PCDHGA6: variants seen among roughly 807,000 people sequenced by gnomAD.
PCDHGA6 encodes the protein protocadherin gamma-A6.
Under a neutral mutation model 60.6 loss-of-function variants are expected in PCDHGA6, and 41 were observed. That is an observed-to-expected ratio of 0.68 (90% CI 0.53 to 0.88). The LOEUF is 0.88. PCDHGA6 is among the 40% of genes least tolerant of loss of function. The probability of loss-of-function intolerance (pLI) is 0.00; values close to 1 mark genes in which losing one functional copy is unlikely to be tolerated. For synonymous variants in PCDHGA6, 594 were observed against 524.4 expected (o/e 1.13, Z -1.81); for missense variants, 1,312 against 1,203.0 (o/e 1.09, Z -1.34).
At position 141,460,491 on chromosome 5, in the gene PCDHGA6, A is replaced by G. The variant is rs544539917; in HGVS notation, c.2425-34316A>G. Among the ~76,000 whole-genome samples, 240 of 152,272 alleles carry G rather than the reference A, an allele frequency of 1.6e-3. 1 individual carries two copies. Among genetic ancestry groups the G allele is most frequent in the Non-Finnish European group, 2.6e-3 (177 of 68,014 alleles). On this transcript the variant is annotated intron_variant, in intron 1 of 3. Transcript: ENST00000517434. ...AAGGAATATCCAATTGTCTCTTTGG[A>G]AAAATATGCTGAGAAGGCTATCTTT...
At position 141,464,471 on chromosome 5, in the gene PCDHGA6, G is replaced by A. The variant is rs142068327; in HGVS notation, c.2425-30336G>A. On this transcript the variant is annotated intron_variant, in intron 1 of 3. Coordinates refer to ENST00000517434, the MANE Select transcript of PCDHGA6 (RefSeq NM_018919.3). ...TTGTTGTTATTTTTGAAGTATGTAC[G>A]TATAATAAATTCCTAATAGTGTGAT... Among the ~76,000 whole-genome samples, 204 of 151,612 alleles carry A rather than the reference G, an allele frequency of 1.3e-3. 1 individual carries two copies. The highest frequency in any genetic ancestry group is 2.3e-3 in the Non-Finnish European group (156 of 67,928).
intron 1 of PCDHGA6, chr5:141,389,864 G>A: frequency 6.2e-7 from 1 of 1,614,058 alleles, no homozygotes; most frequent in Non-Finnish European, 8.5e-7. Flanking sequence ...CGTTGCACCT[G>A]GTCTTCGCCG....
At chr5:141,467,361 G>T (rs555435172) in intron 1 of PCDHGA6, among the ~76,000 whole-genome samples, 2 of 151,742 alleles carry the variant, frequency 1.3e-5, no homozygotes, top group Non-Finnish European at 2.9e-5. Flanking sequence ...CCAAATCAAC[G>T]TTTTCTTATA....
chr5:141,476,205 C>G lies in PCDHGA6; in HGVS notation c.2425-18602C>G. ...CTGCTTGGTGCCTTGAACAAGGCTT[C>G]CACGGTCATTCACTATGAGATCCCG... On this transcript the variant is annotated intron_variant, in intron 1 of 3. Transcript: ENST00000517434. The surrounding 1 kb of genome is among the most constrained non-coding windows in gnomAD (Gnocchi z 7.6). 1 of 1,613,892 alleles carries G rather than the reference C, an allele frequency of 6.2e-7. No homozygotes were observed. Among genetic ancestry groups the G allele is most frequent in the Non-Finnish European group, 8.5e-7 (1 of 1,180,012 alleles).
Position 141,489,068 on chromosome 5 carries a change from G to GGCC in PCDHGA6, c.2425-5739_2425-5738insGCC. The GGCC allele has an allele frequency of 3.4e-6, 1 of 291,556 alleles. No individual in the cohort carries two copies. The allele number at this position is 291,556 out of a possible 1,614,324, so 18.1% of individuals were successfully genotyped here. A position where few individuals can be genotyped will look rare whatever the true frequency, so the allele number is the denominator to read the frequency against. ...CTCAAATTCAGCTCCCCTCCCCCCT[G>GGCC]CCCACCCCCGCCACTCGGTGACTAA... On this transcript the variant is annotated intron_variant, in intron 1 of 3. Coordinates refer to ENST00000517434, the MANE Select transcript of PCDHGA6 (RefSeq NM_018919.3). The surrounding 1 kb of genome is among the most constrained non-coding windows in gnomAD (Gnocchi z 4.5).
rs1355278714 is a variant in PCDHGA6 at position 141,398,651 on chromosome 5, A to G, written c.2424+22144A>G. 10 of 1,613,998 alleles carry G rather than the reference A, an allele frequency of 6.2e-6. No homozygotes were observed. The South Asian group carries it at 1.1e-4, about 18-fold the overall frequency. On this transcript the variant is annotated intron_variant, in intron 1 of 3. Coordinates refer to ENST00000517434, the MANE Select transcript of PCDHGA6 (RefSeq NM_018919.3). ...CTGCAGAAGTATAAACTCTCTCTTA[A>G]CCCAAGTTTCTCATTAATAATTAAG... is the stretch of plus-strand genomic sequence containing the variant.
At chr5:141,510,785 C>G (rs951225541) in intron 3 of PCDHGA6, among the ~76,000 whole-genome samples, 162 bp from the exon 4 acceptor site, 1 of 152,150 alleles carries the variant, frequency 6.6e-6, no homozygotes, top group Non-Finnish European at 1.5e-5. Flanking sequence ...ACCCTCAACT[C>G]TTGTGAAGAG....
At chr5:141,446,263 C>T (rs2098496356) in intron 1 of PCDHGA6, among the ~76,000 whole-genome samples, 1 of 152,010 alleles carries the variant, frequency 6.6e-6, no homozygotes, top group East Asian at 1.9e-4. Flanking sequence ...ATATTATTAA[C>T]TGAATAAATA....
At chr5:141,430,179 A>G (rs2097264770) in intron 1 of PCDHGA6, among the ~76,000 whole-genome samples, 1 of 152,158 alleles carries the variant, frequency 6.6e-6, no homozygotes, top group Admixed American at 6.5e-5. Flanking sequence ...ATTTTCCCCA[A>G]ATTATAGCTG....
At chr5:141,457,448 A>G (rs1296079061) in intron 1 of PCDHGA6, among the ~76,000 whole-genome samples, 2 of 152,196 alleles carry the variant, frequency 1.3e-5, no homozygotes, top group Non-Finnish European at 2.9e-5. Flanking sequence ...GCAGAAGATC[A>G]CCACTTGATT....
chr5:141,390,199 G>A (rs753440941), intron 1 of PCDHGA6: 2 of 1,614,054 alleles, frequency 1.2e-6, no homozygotes, highest in South Asian at 2.2e-5. Context: ...GAGCAGTTGA[G>A]TTCAGGACAA....
intron 1 of PCDHGA6, chr5:141,388,443 G>A (rs1242973473): frequency 5.0e-6 from 8 of 1,613,872 alleles, no homozygotes; most frequent in Non-Finnish European, 6.8e-6. Flanking sequence ...AGAGAAATCA[G>A]ATGGCAGTAA....
At chr5:141,385,101 C>T (rs1373310406) in intron 1 of PCDHGA6, 1 of 1,614,078 alleles carries the variant, frequency 6.2e-7, no homozygotes, top group Admixed American at 1.7e-5. Flanking sequence ...GCTTGGCGAA[C>T]GTGCCCACCT....
At position 141,490,409 on chromosome 5, in the gene PCDHGA6, C is replaced by G; in HGVS notation, c.2425-4398C>G. On this transcript the variant is annotated intron_variant, in intron 1 of 3. Transcript: ENST00000517434. The surrounding 1 kb of genome is among the most constrained non-coding windows in gnomAD (Gnocchi z 5.4). ...AATGGTGAAGTGAGCCTTGATATCT[C>G]TCCGGACCTGCCATTTCAGATTAAG... 1 of 1,614,202 alleles carries G rather than the reference C, an allele frequency of 6.2e-7. No homozygotes were observed. Among genetic ancestry groups the G allele is most frequent in the Non-Finnish European group, 8.5e-7 (1 of 1,180,038 alleles).
In PCDHGA6 at chr5:141,459,352, C is replaced by T. The variant is rs111826527; in HGVS notation, c.2425-35455C>T. On this transcript the variant is annotated intron_variant, in intron 1 of 3. Coordinates refer to ENST00000517434, the MANE Select transcript of PCDHGA6 (RefSeq NM_018919.3). Reference sequence around the variant, plus strand: ...TACTCCAAAGTTCTTGAAATTCATTCATGTTCCTGTGTGTATCAGCAGCGT... The same window carrying T: ...TACTCCAAAGTTCTTGAAATTCATTTATGTTCCTGTGTGTATCAGCAGCGT... 1.4e-4 allele frequency among the ~76,000 whole-genome samples: 21 copies of T among 152,304 alleles called. No homozygotes were observed. The East Asian group carries it at 3.7e-3, about 27-fold the overall frequency.
At chr5:141,466,123 A>G (rs961197575) in intron 1 of PCDHGA6, among the ~76,000 whole-genome samples, 1 of 151,364 alleles carries the variant, frequency 6.6e-6, no homozygotes, top group African/African-American at 2.4e-5. Flanking sequence ...CTCCAGCTCA[A>G]AAAAAAAATC....
intron 1 of PCDHGA6, chr5:141,414,168 T>C: frequency 6.2e-7 from 1 of 1,605,598 alleles, no homozygotes; most frequent in Non-Finnish European, 8.5e-7. Context: ...GAGGAGCATA[T>C]CTTGCAACTG....
chr5:141,485,124 C>T lies in PCDHGA6; in HGVS notation c.2425-9683C>T. The T allele has an allele frequency of 7.2e-7, 1 of 1,390,146 alleles. No individual in the cohort carries two copies. The highest frequency in any genetic ancestry group is 1.0e-6 in the Non-Finnish European group (1 of 990,090). The allele number at this position is 1,390,146 out of a possible 1,614,324, so 86.1% of individuals were successfully genotyped here. ...GCTGCTGTGGCTGTTTGGGGCGGGT[C>T]GGCTTCATCCGCGTCTCAGGAGCAA... On this transcript the variant is annotated intron_variant, in intron 1 of 3. Coordinates refer to ENST00000517434, the MANE Select transcript of PCDHGA6 (RefSeq NM_018919.3). The surrounding 1 kb of genome is among the most constrained non-coding windows in gnomAD (Gnocchi z 5.7).
chr5:141,502,331 G>C lies in PCDHGA6; in HGVS notation c.2484-3062G>C, dbSNP rs555959890. ...TCCTTTAATCTGGAGCCAGCTCCCA[G>C]TCTTTTTATTTTTTTAATGACATGG... On this transcript the variant is annotated intron_variant, in intron 2 of 3. Transcript: ENST00000517434. Among the ~76,000 whole-genome samples, 42 of 152,102 alleles carry C rather than the reference G, an allele frequency of 2.8e-4. No individual in the cohort carries two copies. The South Asian group carries it at 6.2e-3, about 23-fold the overall frequency.
Sources: gnomAD v4.1 joint callset for allele counts (sites outside exome capture counted in the v4.1 genomes callset) on GRCh38, gnomAD v4.1.1 for gene constraint, Gnocchi (gnomAD v3.1) non-coding constraint, MANE v1.5 for transcripts, NCBI Gene and HGNC (gene_info 2026-07-23, HGNC 2026-07-21) for gene names.